CLIC5: variants seen among roughly 807,000 people sequenced by gnomAD.
The protein encoded by CLIC5 is chloride intracellular channel protein 5.
CLIC5 carries 20 observed loss-of-function variants against 24.7 expected under a neutral mutation model. The observed-to-expected ratio is 0.81, with a 90% CI of 0.57 to 1.18. CLIC5 has a LOEUF of 1.18. Among genes scored for constraint, CLIC5 ranks in the 50% most tolerant of loss-of-function variants. The probability of loss-of-function intolerance (pLI) is 0.00; values close to 1 mark genes in which losing one functional copy is unlikely to be tolerated. For synonymous variants in CLIC5, 159 were observed against 135.6 expected, an observed-to-expected ratio of 1.17 and a Z score of -1.20; for missense variants, 341 against 326.1, an observed-to-expected ratio of 1.05 and a Z score of -0.35.
intron 2 of CLIC5, among the ~76,000 whole-genome samples, chr6:45,951,886 C>T (rs1764481898): frequency 6.6e-6 from 1 of 152,108 alleles, no homozygotes; most frequent in African/African-American, 2.4e-5. Context: ...TGTCCCTCCC[C>T]AAACACACAC....
chr6:46,042,204 C>A (rs944018921), intron 1 of CLIC5, among the ~76,000 whole-genome samples: 2 of 152,106 alleles, frequency 1.3e-5, no homozygotes, highest in African/African-American at 4.8e-5. Flanking sequence ...ATAAAATGCT[C>A]GTTTGCCTTG....
chr6:45,952,723 C>T (rs547748645), intron 2 of CLIC5, among the ~76,000 whole-genome samples: 1 of 152,172 alleles, frequency 6.6e-6, no homozygotes, highest in African/African-American at 2.4e-5. Flanking sequence ...GTTGGCTGGA[C>T]CAGGTGTGAT....
chr6:45,990,449 A>G (rs1315201738), intron 1 of CLIC5, among the ~76,000 whole-genome samples: 2 of 152,212 alleles, frequency 1.3e-5, no homozygotes, highest in Non-Finnish European at 2.9e-5. Flanking sequence ...GAGTTGGCCA[A>G]CAAGCACCCA....
At chr6:46,007,877 C>A (rs575784978) in intron 1 of CLIC5, among the ~76,000 whole-genome samples, 2 of 147,876 alleles carry the variant, frequency 1.4e-5, no homozygotes, top group East Asian at 3.9e-4. Context: ...GATCTTCTTT[C>A]TTTTGTTTGT....
At chr6:46,099,208 G>A in the CLIC5 span, among the ~76,000 whole-genome samples, 1 of 152,340 alleles carries the variant, frequency 6.6e-6, no homozygotes, top group Admixed American at 6.5e-5. Flanking sequence ...CAGAATAGGG[G>A]TTGAGCCTAA....
chr6:45,994,817 T>C (rs187878814), intron 1 of CLIC5, among the ~76,000 whole-genome samples: 60 of 152,254 alleles, frequency 3.9e-4, no homozygotes, highest in African/African-American at 1.4e-3. Context: ...ACACTTCCTA[T>C]CCTTGACAGT....
chr6:46,046,341 G>A (rs1029084535), intron 1 of CLIC5, among the ~76,000 whole-genome samples: 1 of 152,140 alleles, frequency 6.6e-6, no homozygotes, highest in Non-Finnish European at 1.5e-5. Flanking sequence ...AAAATCAACA[G>A]CAAAACAAGC....
intron 1 of CLIC5, among the ~76,000 whole-genome samples, chr6:46,066,868 G>T (rs1402346220): frequency 6.6e-6 from 1 of 152,158 alleles, no homozygotes; most frequent in East Asian, 1.9e-4. Flanking sequence ...GGTGTTGTAG[G>T]CAGAGGTATC....
intron 1 of CLIC5, among the ~76,000 whole-genome samples, chr6:45,976,040 T>C (rs1765374341): frequency 6.6e-6 from 1 of 152,146 alleles, no homozygotes; most frequent in South Asian, 2.1e-4. Context: ...GGGCTGCTCA[T>C]CTCTGGGCCT....
chr6:46,102,185 A>G, the CLIC5 span, among the ~76,000 whole-genome samples: 1 of 152,268 alleles, frequency 6.6e-6, no homozygotes, highest in Non-Finnish European at 1.5e-5. Flanking sequence ...AGACCCAAAA[A>G]TACACAGAAA....
chr6:46,032,682 A>G (rs1043409790), intron 1 of CLIC5, among the ~76,000 whole-genome samples: 1 of 151,952 alleles, frequency 6.6e-6, no homozygotes, highest in Non-Finnish European at 1.5e-5. Flanking sequence ...GGATTCAGAA[A>G]CCTCTTTTCA....
chr6:45,970,118 TG>T (rs1289305874), intron 1 of CLIC5, among the ~76,000 whole-genome samples: 1 of 152,194 alleles, frequency 6.6e-6, no homozygotes, highest in Non-Finnish European at 1.5e-5. Flanking sequence ...GTCACAGGTC[TG>T]GAGAAAGTCC....
At chr6:46,034,646 T>A (rs1767612231) in intron 1 of CLIC5, among the ~76,000 whole-genome samples, 1 of 152,186 alleles carries the variant, frequency 6.6e-6, no homozygotes, top group African/African-American at 2.4e-5. Context: ...AGCTCAAGCT[T>A]TGGGCACTCT....
chr6:46,026,487 T>C (rs1214815001), intron 1 of CLIC5, among the ~76,000 whole-genome samples: 2 of 152,208 alleles, frequency 1.3e-5, no homozygotes, highest in Admixed American at 6.5e-5. Flanking sequence ...GTTTTTGTCA[T>C]GTACTTTACT....
chr6:45,976,034 T>A (rs1765373963), intron 1 of CLIC5, among the ~76,000 whole-genome samples: 1 of 152,162 alleles, frequency 6.6e-6, no homozygotes, highest in Admixed American at 6.6e-5. Context: ...AAGTGGGGGC[T>A]GCTCATCTCT....
chr6:46,101,859 T>A, the CLIC5 span, among the ~76,000 whole-genome samples: 1 of 152,096 alleles, frequency 6.6e-6, no homozygotes, highest in African/African-American at 2.4e-5. Flanking sequence ...CTTTAATCAT[T>A]CATAAGCTAA....
At chr6:46,008,930 C>T (rs367843826) in intron 1 of CLIC5, among the ~76,000 whole-genome samples, 1 of 152,090 alleles carries the variant, frequency 6.6e-6, no homozygotes, top group Non-Finnish European at 1.5e-5. Flanking sequence ...GCCCTATTTA[C>T]CCATGGTTTG....
intron 4 of CLIC5, among the ~76,000 whole-genome samples, chr6:45,923,953 T>C (rs868562104): frequency 1.3e-5 from 2 of 152,174 alleles, no homozygotes; most frequent in African/African-American, 4.8e-5. Flanking sequence ...TAACATGGCA[T>C]ACCTTAGAGG....
chr6:45,885,519 T>C (rs6934152), intron 6 of CLIC5, among the ~76,000 whole-genome samples: 94,054 of 152,044 alleles, frequency 0.62, 29,657 homozygotes, highest in East Asian at 0.78. Flanking sequence ...ATAGGTCAAA[T>C]TGAAAGAGTG....
Sources: gnomAD v4.1 joint callset for allele counts (sites outside exome capture counted in the v4.1 genomes callset) on GRCh38, gnomAD v4.1.1 for gene constraint, MANE v1.5 for transcripts, NCBI Gene and HGNC (gene_info 2026-07-23, HGNC 2026-07-21) for gene names.